HOXD13: variants seen among roughly 807,000 people sequenced by gnomAD.
The protein encoded by HOXD13 is homeobox D13, also known as homeobox protein Hox-D13.
In HOXD13, 16 loss-of-function variants were observed where a neutral mutation model predicts 27.3. The observed-to-expected ratio is 0.59, with a 90% CI of 0.40 to 0.89. The LOEUF is 0.89. Among genes scored for constraint, HOXD13 ranks in the 40% least tolerant of loss-of-function variants. The pLI is 0.00. For missense variants in HOXD13, 481 were observed against 482.6 expected (o/e 1.00, Z 0.03); for synonymous variants, 241 against 219.0 (o/e 1.10, Z -0.89).
upstream of HOXD13, among the ~76,000 whole-genome samples, chr2:176,089,511 A>G (rs759803740): frequency 5.9e-5 from 9 of 152,194 alleles, no homozygotes; most frequent in Non-Finnish European, 1.2e-4. Context: ...CCTGGCCTTA[A>G]TGGCCACTGA....
rs1349654733 is a variant in HOXD13 at position 176,092,785 on chromosome 2, C to G, written c.-106C>G. On this transcript the variant is annotated 5_prime_UTR_variant, in exon 1 of 2. Coordinates refer to ENST00000392539, the MANE Select transcript of HOXD13 (RefSeq NM_000523.4). ...GGGAGAGAGGGCTAGAGGAAGAGGG[C>G]GGGAGCGAGCGAACCAGAGAGAAAG... is the stretch of plus-strand genomic sequence containing the variant. The G allele has an allele frequency of 7.0e-6, 5 of 711,200 alleles. No individual in the cohort carries two copies. The highest frequency in any genetic ancestry group is 9.6e-6 in the Non-Finnish European group (5 of 521,386). The allele number at this position is 711,200 out of a possible 1,614,324, so 44.1% of individuals were successfully genotyped here. A position where few individuals can be genotyped will look rare whatever the true frequency, so the allele number is the denominator to read the frequency against.
chr2:176,093,414 G>T lies in HOXD13; in HGVS notation c.524G>T (p.Ser175Ile). ...TACATGGACGTGTCAGGCCTGGCGA[G>T]CAGCAGCGTACCGGCCAACGAGGTG... ...EKYMDVSGLA[S>I]SSVPANEVPA... Residue 175 changes from serine to isoleucine, a missense_variant, in exon 1 of 2, where the codon AGC becomes ATC. By Grantham distance (142) the Ser-to-Ile change is moderately radical. Transcript: ENST00000392539. 1 of 1,614,012 alleles carries T rather than the reference G, an allele frequency of 6.2e-7. No homozygotes were observed. The highest frequency in any genetic ancestry group is 8.5e-7 in the Non-Finnish European group (1 of 1,180,038).
At chr2:176,088,842 G>A (rs1689280723), upstream of HOXD13, among the ~76,000 whole-genome samples, 1 of 152,148 alleles carries the variant, frequency 6.6e-6, no homozygotes, top group Non-Finnish European at 1.5e-5. Context: ...AAGGCAACAA[G>A]TTACTCTGGG....
chr2:176,089,430 C>T (rs1689290343), upstream of HOXD13, among the ~76,000 whole-genome samples: 1 of 152,190 alleles, frequency 6.6e-6, no homozygotes, highest in South Asian at 2.1e-4. Flanking sequence ...CCTGCACTTC[C>T]TGATCTTGGC....
chr2:176,088,565 C>CA (rs397943469), upstream of HOXD13, among the ~76,000 whole-genome samples: 2 of 152,012 alleles, frequency 1.3e-5, no homozygotes, highest in Non-Finnish European at 2.9e-5. Flanking sequence ...CGGCTCCCCC[C>CA]TTCGTGCTTG....
At position 176,094,816 on chromosome 2, in the gene HOXD13, T is replaced by A; in HGVS notation, c.*86T>A. Reference sequence around the variant, plus strand: ...GGAAAGACTTGAATATGTATTTAATTCCCCCCACCCCCTGCCAATGGTGGC... The same window carrying A: ...GGAAAGACTTGAATATGTATTTAATACCCCCCACCCCCTGCCAATGGTGGC... On this transcript the variant is annotated 3_prime_UTR_variant, in exon 2 of 2. Coordinates refer to ENST00000392539, the MANE Select transcript of HOXD13 (RefSeq NM_000523.4). 8.2e-7 allele frequency: 1 copy of A among 1,222,714 alleles called. No individual in the cohort carries two copies. Among genetic ancestry groups the A allele is most frequent in the Non-Finnish European group, 1.2e-6 (1 of 827,580 alleles). The allele number at this position is 1,222,714 out of a possible 1,614,324, so 75.7% of individuals were successfully genotyped here. A position where few individuals can be genotyped will look rare whatever the true frequency, so the allele number is the denominator to read the frequency against.
chr2:176,090,948 C>A (rs533261413), upstream of HOXD13, among the ~76,000 whole-genome samples: 1 of 152,324 alleles, frequency 6.6e-6, no homozygotes, highest in South Asian at 2.1e-4. Flanking sequence ...AAAAAATTTT[C>A]TCATCAGCAA....
Position 176,093,143 on chromosome 2 carries a change from T to C in HOXD13, c.253T>C (p.Ser85Pro), listed in dbSNP as rs1246806896. The change falls in exon 1 of 2, where the codon TCT becomes CCT. Residue 85 changes from serine to proline, a missense_variant. Ser to Pro is a moderately conservative substitution (Grantham distance 74). Transcript: ENST00000392539. ...AYPGTSERTGSSSSSSSSAVV... is the reference protein window; with the variant it reads ...AYPGTSERTGPSSSSSSSAVV... Reference sequence around the variant, plus strand: ...CCCCGGGACCTCTGAGCGCACGGGCTCTTCCTCGTCGTCGTCCTCTTCTGC... The same window carrying C: ...CCCCGGGACCTCTGAGCGCACGGGCCCTTCCTCGTCGTCGTCCTCTTCTGC... 1.9e-6 allele frequency: 3 copies of C among 1,605,870 alleles called. No individual in the cohort carries two copies. The African/African-American group carries it at 4.0e-5, about 21-fold the overall frequency.
At chr2:176,091,349 G>A (rs930835161), upstream of HOXD13, among the ~76,000 whole-genome samples, 2 of 152,168 alleles carry the variant, frequency 1.3e-5, no homozygotes, top group African/African-American at 4.8e-5. Context: ...GGCTCTGAAG[G>A]ATCCCATATC....
chr2:176,093,212 CCAGCACCCACGCCTGCAGCGGCCGCTG>C lies in HOXD13; in HGVS notation c.327_353del (p.Thr111_Pro119del). On this transcript the variant is annotated inframe_deletion, in exon 1 of 2. Transcript: ENST00000392539. ...GGAGGCTCCCCCAGCCAAAGAGTGCCCAGCACCCACGCCTGCAGCGGCCGCTGCAGCGCCCCCGAGCGCTCCAGCGCT... is the reference window on the plus strand; with the variant it reads ...GGAGGCTCCCCCAGCCAAAGAGTGCCCAGCGCCCCCGAGCGCTCCAGCGCT... 6.2e-7 allele frequency: 1 copy of C among 1,609,752 alleles called. No individual in the cohort carries two copies. Among genetic ancestry groups the C allele is most frequent in the Non-Finnish European group, 8.5e-7 (1 of 1,179,524 alleles).
intron 1 of HOXD13, among the ~76,000 whole-genome samples, 177 bp from the exon 2 acceptor site, chr2:176,094,303 A>G (rs1481020047): frequency 6.6e-6 from 1 of 152,110 alleles, no homozygotes; most frequent in African/African-American, 2.4e-5. Context: ...CTTCTTTAAT[A>G]ACAGGTAAGT....
rs1240981269 is a variant in HOXD13, at chr2:176,093,109, C to T, written c.219C>T (p.Gly73=). ...CGGCGGCGGCGGCGGCAGCCTCCGG[C>T]TTTGCGTACCCCGGGACCTCTGAGC... ...AAAAAAAAAS[G]FAYPGTSERT... The change falls in exon 1 of 2, where the codon GGC becomes GGT. Residue 73 remains glycine, a synonymous_variant. Coordinates refer to ENST00000392539, the MANE Select transcript of HOXD13 (RefSeq NM_000523.4). The T allele has an allele frequency of 1.9e-6, 3 of 1,561,336 alleles. No individual in the cohort carries two copies. The South Asian group carries it at 3.5e-5, about 18-fold the overall frequency.
In HOXD13 at chr2:176,093,085, G is replaced by A. The variant is rs779276776; in HGVS notation, c.195G>A (p.Ala65=). 4 of 1,376,266 alleles carry A rather than the reference G, an allele frequency of 2.9e-6. No individual in the cohort carries two copies. The highest frequency in any genetic ancestry group is 3.7e-5 in the South Asian group (2 of 54,434). 85.3% of individuals were successfully genotyped at this position (1,376,266 alleles called of 1,614,324 possible). A position where few individuals can be genotyped will look rare whatever the true frequency, so the allele number is the denominator to read the frequency against. ...CGGCGGCGGCGGCAGCGGCGGCTGCGGCGGCGGCGGCGGCAGCCTCCGGCT... is the reference window on the plus strand; with the variant it reads ...CGGCGGCGGCGGCAGCGGCGGCTGCAGCGGCGGCGGCGGCAGCCTCCGGCT... ...GRAAAAAAAA[A]AAAAAASGFA... is the part of the protein sequence containing the mutation. Residue 65 remains alanine, a synonymous_variant, in exon 1 of 2, where the codon GCG becomes GCA. Coordinates refer to ENST00000392539, the MANE Select transcript of HOXD13 (RefSeq NM_000523.4).
upstream of HOXD13, among the ~76,000 whole-genome samples, chr2:176,090,058 ATG>A (rs1164678891): frequency 6.6e-6 from 1 of 152,184 alleles, no homozygotes; most frequent in Non-Finnish European, 1.5e-5. Context: ...CTTGTAAACT[ATG>A]TGTCTCATTA....
chr2:176,092,949 G>A lies in HOXD13; in HGVS notation c.59G>A (p.Gly20Asp). The A allele has an allele frequency of 7.5e-7, 1 of 1,329,200 alleles. No homozygotes were observed. Among genetic ancestry groups the A allele is most frequent in the Non-Finnish European group, 9.6e-7 (1 of 1,042,962 alleles). The allele number at this position is 1,329,200 out of a possible 1,614,324, so 82.3% of individuals were successfully genotyped here. A position where few individuals can be genotyped will look rare whatever the true frequency, so the allele number is the denominator to read the frequency against. ...CTGCGGGCAGACGGCGGGGGCGCCGGTGGCGCCCCGGCCTCTTCCTCCTCC... is the reference window on the plus strand; with the variant it reads ...CTGCGGGCAGACGGCGGGGGCGCCGATGGCGCCCCGGCCTCTTCCTCCTCC... ...DGLRADGGGA[G>D]GAPASSSSSS... The change falls in exon 1 of 2, where the codon GGT (glycine) becomes GAT (aspartate). Residue 20 changes from glycine (G) to aspartate (D), a missense_variant. By Grantham distance (94) the Gly-to-Asp change is moderately conservative. Transcript: ENST00000392539.
At position 176,094,505 on chromosome 2, in the gene HOXD13, C is replaced by T. The variant is rs769084692; in HGVS notation, c.807C>T (p.Asp269=). 6.2e-7 allele frequency: 1 copy of T among 1,614,104 alleles called. No homozygotes were observed. Among genetic ancestry groups the T allele is most frequent in the East Asian group, 2.2e-5 (1 of 44,876 alleles). Residue 269 remains aspartate, a synonymous_variant, in exon 2 of 2, where the codon GAC becomes GAT. Coordinates refer to ENST00000392539, the MANE Select transcript of HOXD13 (RefSeq NM_000523.4). The part of the protein sequence containing the change: ...FPGDVALNQP[D]MCVYRRGRKK... ...GGGATGTGGCTCTAAATCAGCCGGA[C>T]ATGTGCGTCTACCGAAGAGGGAGGA...
chr2:176,093,674 AG>A lies in HOXD13; in HGVS notation c.781+7del. 3.2e-6 allele frequency: 5 copies of A among 1,575,192 alleles called. No homozygotes were observed. The highest frequency in any genetic ancestry group is 4.3e-6 in the Non-Finnish European group (5 of 1,154,824). ...CTTTTGGAAATCTTCCTTTCCAGGT[AG>A]GGGCGATGGAGAAAAGGGACCGACA... On this transcript the variant is annotated splice_donor_region_variant and intron_variant, in intron 1 of 1. Transcript: ENST00000392539.
Position 176,094,889 on chromosome 2 carries a change from C to G in HOXD13, c.*159C>G. 1 of 639,966 alleles carries G rather than the reference C, an allele frequency of 1.6e-6. No homozygotes were observed. The highest frequency in any genetic ancestry group is 2.8e-6 in the Non-Finnish European group (1 of 356,692). 39.6% of individuals were successfully genotyped at this position (639,966 alleles called of 1,614,324 possible). A position where few individuals can be genotyped will look rare whatever the true frequency, so the allele number is the denominator to read the frequency against. On this transcript the variant is annotated 3_prime_UTR_variant, in exon 2 of 2. Transcript: ENST00000392539. ...CTCTTCCCCTTATCTGGCTCTAAAA[C>G]CTTCTGCTGCCCAACCTGACTTTGT... is the stretch of plus-strand genomic sequence containing the variant.
chr2:176,093,225 C>T lies in HOXD13; in HGVS notation c.335C>T (p.Pro112Leu). 6.2e-7 allele frequency: 1 copy of T among 1,609,666 alleles called. No homozygotes were observed. The highest frequency in any genetic ancestry group is 8.5e-7 in the Non-Finnish European group (1 of 1,179,336). ...GCCAAAGAGTGCCCAGCACCCACGC[C>T]TGCAGCGGCCGCTGCAGCGCCCCCG... ...PPAKECPAPT[P>L]AAAAAAPPSA... Residue 112 changes from proline to leucine, a missense_variant, in exon 1 of 2, where the codon CCT becomes CTT. Coordinates refer to ENST00000392539, the MANE Select transcript of HOXD13 (RefSeq NM_000523.4).
Sources: allele counts gnomAD v4.1 joint callset (sites outside exome capture counted in the v4.1 genomes callset), GRCh38; gene constraint gnomAD v4.1.1; transcripts MANE v1.5; gene names NCBI Gene and HGNC (gene_info 2026-07-23, HGNC 2026-07-21).